Variants in ADAM18 observed in about 807,000 individuals in gnomAD.
ADAM18 encodes ADAM metallopeptidase domain 18, also known as disintegrin and metalloproteinase domain-containing protein 18.
Under a neutral mutation model 94.4 loss-of-function variants are expected in ADAM18, and 117 were observed. The observed-to-expected ratio is 1.24, with a 90% CI of 1.07 to 1.45. The LOEUF (loss-of-function observed/expected upper bound fraction) is 1.45. Ranked by LOEUF, ADAM18 falls within the 40% of genes most tolerant of loss-of-function variation. The pLI is 0.00. For synonymous variants in ADAM18, 327 were observed against 291.6 expected, an observed-to-expected ratio of 1.12 and a Z score of -1.24; for missense variants, 936 against 880.0, an observed-to-expected ratio of 1.06 and a Z score of -0.81.
chr8:39,700,638 A>G (rs1464496670), intron 17 of ADAM18, among the ~76,000 whole-genome samples: 1 of 152,116 alleles, frequency 6.6e-6, no homozygotes, highest in Admixed American at 6.5e-5. Context: ...TGAGTATAAC[A>G]TGACATGAAA....
At chr8:39,705,736 A>G (rs1269316809) in intron 17 of ADAM18, among the ~76,000 whole-genome samples, 1 of 152,210 alleles carries the variant, frequency 6.6e-6, no homozygotes, top group African/African-American at 2.4e-5. Flanking sequence ...CAATTTCAAT[A>G]TACTATATAA....
At chr8:39,715,539 C>T (rs751439494) in intron 18 of ADAM18, among the ~76,000 whole-genome samples, 16 of 149,942 alleles carry the variant, frequency 1.1e-4, no homozygotes, top group Non-Finnish European at 1.6e-4. Flanking sequence ...ACATCAGTTA[C>T]ATTGATAAAC....
At chr8:39,707,972 G>A (rs141860792) in intron 18 of ADAM18, among the ~76,000 whole-genome samples, 16 of 152,202 alleles carry the variant, frequency 1.1e-4, no homozygotes, top group Admixed American at 2.0e-4. Flanking sequence ...CTGTAACGGC[G>A]TAACAGTCAA....
intron 17 of ADAM18, among the ~76,000 whole-genome samples, chr8:39,702,672 G>A (rs1252269229): frequency 1.3e-5 from 2 of 152,118 alleles, no homozygotes; most frequent in African/African-American, 2.4e-5. Context: ...ATGGTGTAAG[G>A]AAGGGGTTCA....
intron 2 of ADAM18, among the ~76,000 whole-genome samples, chr8:39,594,194 T>C (rs751982700): frequency 3.4e-4 from 52 of 152,312 alleles, no homozygotes; most frequent in Non-Finnish European, 5.6e-4. Context: ...TTTCACAGCC[T>C]ACTGTCATCA....
At chr8:39,676,603 GC>G (rs753505859) in intron 14 of ADAM18, among the ~76,000 whole-genome samples, 100 of 420 alleles carry the variant, frequency 0.24, no homozygotes, top group Middle Eastern at 0.5. Flanking sequence ...CTCTTCTTGG[GC>G]AGGGGCAACG....
At chr8:39,700,954 T>C (rs1265257294) in intron 17 of ADAM18, among the ~76,000 whole-genome samples, 1 of 150,642 alleles carries the variant, frequency 6.6e-6, no homozygotes, top group Non-Finnish European at 1.5e-5. Context: ...CCGTCTCTAC[T>C]AAAAATACAA....
chr8:39,715,548 A>G (rs1215834042), intron 18 of ADAM18, among the ~76,000 whole-genome samples: 1 of 151,936 alleles, frequency 6.6e-6, no homozygotes, highest in Non-Finnish European at 1.5e-5. Context: ...ACATTGATAA[A>G]CCTCTGGCCA....
chr8:39,630,661 C>T (rs1411055811), intron 7 of ADAM18, among the ~76,000 whole-genome samples: 1 of 151,732 alleles, frequency 6.6e-6, no homozygotes, highest in Non-Finnish European at 1.5e-5. Context: ...TGAAGAATAC[C>T]ACAATTTGGT....
chr8:39,659,590 A>G (rs1820780452), intron 12 of ADAM18, among the ~76,000 whole-genome samples: 1 of 152,122 alleles, frequency 6.6e-6, no homozygotes, highest in Non-Finnish European at 1.5e-5. Flanking sequence ...CCATCCATAG[A>G]ATATGCACCC....
At chr8:39,597,322 T>C (rs28861709) in intron 2 of ADAM18, among the ~76,000 whole-genome samples, 4,819 of 152,218 alleles carry the variant, frequency 0.032, 282 homozygotes, top group African/African-American at 0.11. Context: ...ATCATGCCTC[T>C]GGGGTTGTAC....
intron 12 of ADAM18, among the ~76,000 whole-genome samples, chr8:39,659,583 T>C (rs1461541440): frequency 6.6e-6 from 1 of 152,082 alleles, no homozygotes; most frequent in Non-Finnish European, 1.5e-5. Flanking sequence ...CACATATCCA[T>C]CCATAGAATA....
chr8:39,620,252 C>T (rs1166901775), intron 6 of ADAM18, among the ~76,000 whole-genome samples: 2 of 150,362 alleles, frequency 1.3e-5, no homozygotes, highest in Admixed American at 6.6e-5. Context: ...CTTAAAACCC[C>T]AGACCATGAA....
Position 39,609,103 on chromosome 8 carries a change from G to A in ADAM18, c.250G>A (p.Val84Met), listed in dbSNP as rs139006935. The change falls in exon 4 of 20, where the codon GTG becomes ATG. Residue 84 changes from valine to methionine, a missense_variant. Val to Met is a conservative substitution (Grantham distance 21, BLOSUM62 1). Coordinates refer to ENST00000265707, the MANE Select transcript of ADAM18 (RefSeq NM_014237.3). ...TAATGAAACTGGATCTTTGCATTCTGTGTCTCCATATTTTATGGTAAAGTA... is the reference window on the plus strand; with the variant it reads ...TAATGAAACTGGATCTTTGCATTCTATGTCTCCATATTTTATGGTAAAGTA... ...TYNETGSLHS[V>M]SPYFMMHCHY... 5 of 1,587,360 alleles carry A rather than the reference G, an allele frequency of 3.1e-6. No individual in the cohort carries two copies. The highest frequency in any genetic ancestry group is 4.3e-6 in the Non-Finnish European group (5 of 1,165,342).
intron 6 of ADAM18, among the ~76,000 whole-genome samples, chr8:39,620,359 A>C (rs1819575938): frequency 7.4e-5 from 3 of 40,792 alleles, no homozygotes; most frequent in African/African-American, 3.5e-4. Context: ...AACAAAAGCA[A>C]AAAAAAAAAA....
At chr8:39,626,511 T>G (rs754283622) in intron 6 of ADAM18, among the ~76,000 whole-genome samples, 71 of 152,018 alleles carry the variant, frequency 4.7e-4, no homozygotes, top group Non-Finnish European at 1.6e-4. Flanking sequence ...CAATTTGTGG[T>G]CTTTCAGTCT....
At position 39,727,310 on chromosome 8, in the gene ADAM18, C is replaced by T. The variant is rs1385118501; in HGVS notation, c.2178-2588C>T. Among the ~76,000 whole-genome samples, 3 of 152,252 alleles carry T rather than the reference C, an allele frequency of 2.0e-5. No homozygotes were observed. In the East Asian group the frequency reaches 5.8e-4, roughly 29 times the overall value. ...CAGCCTACTTGAATTCCTCTCCTTT[C>T]AAAGCTTTCCTTTCAAAGCTTTTTC... On this transcript the variant is annotated intron_variant, in intron 19 of 19. Coordinates refer to ENST00000265707, the MANE Select transcript of ADAM18 (RefSeq NM_014237.3).
At chr8:39,641,101 T>C (rs1820224702) in intron 10 of ADAM18, among the ~76,000 whole-genome samples, 1 of 152,150 alleles carries the variant, frequency 6.6e-6, no homozygotes, top group African/African-American at 2.4e-5. Context: ...ATGTCCCAAA[T>C]GGTACTGCAT....
At chr8:39,640,914 T>C (rs540286155) in intron 10 of ADAM18, among the ~76,000 whole-genome samples, 1 of 152,090 alleles carries the variant, frequency 6.6e-6, no homozygotes, top group African/African-American at 2.4e-5. Flanking sequence ...AGATGCTGGA[T>C]AGTAGACCTT....
Sources: gnomAD v4.1 joint callset for allele counts (sites outside exome capture counted in the v4.1 genomes callset) on GRCh38, gnomAD v4.1.1 for gene constraint, MANE v1.5 for transcripts, NCBI Gene and HGNC (gene_info 2026-07-23, HGNC 2026-07-21) for gene names.